The following PRSS23 variants were observed in gnomAD, a reference collection of about 807,000 sequenced individuals.
PRSS23 encodes the protein serine protease 23.
A neutral mutation model predicts 34.7 loss-of-function variants in PRSS23; 25 were observed. That is an observed-to-expected ratio of 0.72 (90% confidence interval 0.53 to 1.01). The LOEUF is 1.01. PRSS23 is among the 50% of genes least tolerant of loss of function. The pLI is 0.00. For missense variants in PRSS23, 445 were observed against 475.6 expected (o/e 0.94, Z 0.60); for synonymous variants, 176 against 186.6 (o/e 0.94, Z 0.46).
chr11:86,869,827 A>G (rs1948673233), intron 2 of PRSS23, among the ~76,000 whole-genome samples: 1 of 152,216 alleles, frequency 6.6e-6, no homozygotes, highest in Non-Finnish European at 1.5e-5. Context: ...CTCCTAGATT[A>G]TGAGCACTTT....
chr11:86,806,302 C>T (rs1379659703), intron 1 of PRSS23, among the ~76,000 whole-genome samples: 1 of 152,176 alleles, frequency 6.6e-6, no homozygotes, highest in East Asian at 1.9e-4. Context: ...CCCTAAGTAT[C>T]CCCTTCTCTC....
intron 2 of PRSS23, among the ~76,000 whole-genome samples, chr11:86,862,898 T>C (rs948935576): frequency 1.3e-5 from 2 of 151,970 alleles, no homozygotes; most frequent in African/African-American, 4.8e-5. Context: ...GATATTACTT[T>C]AATGTCACAG....
chr11:86,871,451 T>C (rs1948683816), intron 2 of PRSS23, among the ~76,000 whole-genome samples: 1 of 152,148 alleles, frequency 6.6e-6, no homozygotes, highest in African/African-American at 2.4e-5. Context: ...AAAGACCCAA[T>C]GGGTTCTCTC....
At chr11:86,846,250 G>A (rs1948485397) in intron 2 of PRSS23, among the ~76,000 whole-genome samples, 1 of 152,046 alleles carries the variant, frequency 6.6e-6, no homozygotes. Context: ...GGTGAGCCAG[G>A]CAGGATACTC....
intron 2 of PRSS23, among the ~76,000 whole-genome samples, chr11:86,838,434 C>T (rs1299806264): frequency 6.6e-6 from 1 of 152,176 alleles, no homozygotes; most frequent in Non-Finnish European, 1.5e-5. Flanking sequence ...ATTGCTGAGG[C>T]TTGAGTAGCT....
At chr11:86,907,830 A>C (rs1428088532) in intron 2 of PRSS23, among the ~76,000 whole-genome samples, 4 of 152,180 alleles carry the variant, frequency 2.6e-5, no homozygotes, top group African/African-American at 9.7e-5. Context: ...GTTCTCTAGA[A>C]CTTATCCAGC....
chr11:86,834,754 T>G (rs537575344), intron 2 of PRSS23, among the ~76,000 whole-genome samples: 109 of 152,244 alleles, frequency 7.2e-4, no homozygotes, highest in Non-Finnish European at 1.2e-3. Flanking sequence ...TGCATGGGCA[T>G]GGAGGACTAG....
At chr11:86,824,549 T>C (rs569557603) in intron 2 of PRSS23, among the ~76,000 whole-genome samples, 16 of 150,948 alleles carry the variant, frequency 1.1e-4, no homozygotes, top group African/African-American at 3.2e-4. Flanking sequence ...TACATATGTA[T>C]ACATGTGCCA....
chr11:86,900,074 G>A (rs113084911), intron 2 of PRSS23, among the ~76,000 whole-genome samples: 1 of 152,222 alleles, frequency 6.6e-6, no homozygotes, highest in African/African-American at 2.4e-5. Flanking sequence ...TTTGAAAATA[G>A]AGATGTTTCT....
At chr11:86,841,366 A>T (rs1948446932) in intron 2 of PRSS23, among the ~76,000 whole-genome samples, 1 of 151,180 alleles carries the variant, frequency 6.6e-6, no homozygotes, top group African/African-American at 2.4e-5. Context: ...GAAGAAAAAA[A>T]AAAAAGAACA....
chr11:86,857,820 G>T (rs1385542349), intron 2 of PRSS23: 2 of 741,198 alleles, frequency 2.7e-6, no homozygotes, highest in African/African-American at 1.8e-5. Flanking sequence ...CCCAGGACAG[G>T]TTGGAGAGGA....
chr11:86,871,090 G>A (rs954267554), intron 2 of PRSS23, among the ~76,000 whole-genome samples: 4 of 151,980 alleles, frequency 2.6e-5, no homozygotes, highest in Non-Finnish European at 4.4e-5. Flanking sequence ...GAATTGGAGC[G>A]CTTAGACTAT....
At chr11:86,870,886 G>C (rs1948680268) in intron 2 of PRSS23, among the ~76,000 whole-genome samples, 1 of 152,128 alleles carries the variant, frequency 6.6e-6, no homozygotes, top group African/African-American at 2.4e-5. Flanking sequence ...TTCCTAATCT[G>C]CAATCATTCT....
chr11:86,937,228 T>C (rs1249404334), intron 2 of PRSS23: 2 of 152,216 alleles, frequency 1.3e-5, no homozygotes. Flanking sequence ...GACCCCTTCT[T>C]TGAAAAGTAT....
At chr11:86,883,410 G>A (rs2511885) in intron 2 of PRSS23, among the ~76,000 whole-genome samples, 70,589 of 152,122 alleles carry the variant, frequency 0.46, 17,706 homozygotes, top group Non-Finnish European at 0.56. Flanking sequence ...TCCCTATTCA[G>A]TAAATGGTGC....
At chr11:86,930,407 T>A (rs1949116099) in intron 2 of PRSS23, among the ~76,000 whole-genome samples, 1 of 152,186 alleles carries the variant, frequency 6.6e-6, no homozygotes, top group Non-Finnish European at 1.5e-5. Flanking sequence ...GGATCTAACT[T>A]AGTCTACAGG....
chr11:86,900,127 GC>G (rs1948901820), intron 2 of PRSS23, among the ~76,000 whole-genome samples: 3 of 152,314 alleles, frequency 2.0e-5, no homozygotes, highest in South Asian at 4.1e-4. Flanking sequence ...GATACTTAAT[GC>G]CAAATGTGTT....
At chr11:86,937,598 C>T (rs1417066577) in intron 2 of PRSS23, 1 of 152,190 alleles carries the variant, frequency 6.6e-6, no homozygotes, top group Non-Finnish European at 1.5e-5. Context: ...CTCTGGTTGT[C>T]CTCACTGCTA....
chr11:86,835,855 GCTAAAA>G (rs1463637479), intron 2 of PRSS23, among the ~76,000 whole-genome samples: 1 of 152,168 alleles, frequency 6.6e-6, no homozygotes, highest in East Asian at 1.9e-4. Context: ...TGAACGGGCA[GCTAAAA>G]GTAAATCATC....
Sources: allele counts gnomAD v4.1 joint callset (sites outside exome capture counted in the v4.1 genomes callset), GRCh38; gene constraint gnomAD v4.1.1; transcripts MANE v1.5; gene names NCBI Gene and HGNC (gene_info 2026-07-23, HGNC 2026-07-21).